PARD3B: variants seen among roughly 807,000 people sequenced by gnomAD.
PARD3B encodes par-3 family cell polarity regulator beta, also known as partitioning defective 3 homolog B.
A neutral mutation model predicts 130.2 loss-of-function variants in PARD3B; 103 were observed. The observed-to-expected ratio is 0.79, with a 90% CI of 0.67 to 0.93. The LOEUF is 0.93. PARD3B is among the 40% of genes least tolerant of loss of function. PARD3B has a pLI of 0.00. For missense variants in PARD3B, 1,609 were observed against 1,499.2 expected (o/e 1.07, Z -1.21); for synonymous variants, 583 against 553.2 (o/e 1.05, Z -0.76).
chr2:204,907,390 A>T lies in PARD3B; in HGVS notation c.223-57762A>T, dbSNP rs2047074765. Among the ~76,000 whole-genome samples, 3 of 152,324 alleles carry T rather than the reference A, an allele frequency of 2.0e-5. No individual in the cohort carries two copies. The South Asian group carries it at 6.2e-4, about 32-fold the overall frequency. ...AAGTTGTAAATTTTAGTACACCTTC[A>T]TTTACATTTCTATTTGAATGTAAAT... On this transcript the variant is annotated intron_variant, in intron 2 of 22. Coordinates refer to ENST00000406610, the MANE Select transcript of PARD3B (RefSeq NM_001302769.2). The surrounding 1 kb of genome is among the most constrained non-coding windows in gnomAD (Gnocchi z 5.7).
At chr2:205,472,121 G>C (rs540721768) in intron 20 of PARD3B, among the ~76,000 whole-genome samples, 28 of 152,180 alleles carry the variant, frequency 1.8e-4, no homozygotes, top group South Asian at 4.1e-4. Context: ...TTTTTGAAAA[G>C]TGTAAATAGT....
At chr2:205,519,830 CA>C (rs2050958728) in intron 21 of PARD3B, among the ~76,000 whole-genome samples, 2 of 152,140 alleles carry the variant, frequency 1.3e-5, no homozygotes, top group South Asian at 4.1e-4. Context: ...TCTCTGGTTT[CA>C]GAGGTGGGTA....
rs114951576 is a variant in PARD3B at position 205,003,985 on chromosome 2, G to T, written c.394+38662G>T. On this transcript the variant is annotated intron_variant, in intron 3 of 22. Transcript: ENST00000406610. ...AAAGAATTACAAAGTGGGGTCTGGGGCAGGGAGGCATGAAGACTTTTTCAT... is the reference window on the plus strand; with the variant it reads ...AAAGAATTACAAAGTGGGGTCTGGGTCAGGGAGGCATGAAGACTTTTTCAT... Among the ~76,000 whole-genome samples, 323 of 152,218 alleles carry T rather than the reference G, an allele frequency of 2.1e-3. 2 individuals carry two copies. Among genetic ancestry groups the T allele is most frequent in the African/African-American group, 7.1e-3 (293 of 41,528 alleles).
chr2:205,163,781 A>G (rs535267474), intron 11 of PARD3B, among the ~76,000 whole-genome samples: 1 of 152,276 alleles, frequency 6.6e-6, no homozygotes, highest in East Asian at 1.9e-4. Flanking sequence ...AAATCATGTG[A>G]TAGATCTATA....
At chr2:204,674,125 G>C (rs535171704) in intron 1 of PARD3B, among the ~76,000 whole-genome samples, 1 of 152,296 alleles carries the variant, frequency 6.6e-6, no homozygotes, top group African/African-American at 2.4e-5. Context: ...ATATGGAAGT[G>C]AGTAAGATAA....
chr2:205,488,604 G>T (rs117753639), intron 20 of PARD3B, among the ~76,000 whole-genome samples: 1 of 152,250 alleles, frequency 6.6e-6, no homozygotes, highest in Non-Finnish European at 1.5e-5. Flanking sequence ...CCTTGGTTGA[G>T]CATCAGCTGA....
intron 2 of PARD3B, among the ~76,000 whole-genome samples, chr2:204,811,986 A>G (rs2042978266): frequency 6.6e-6 from 1 of 152,148 alleles, no homozygotes; most frequent in African/African-American, 2.4e-5. Flanking sequence ...AATTAAAGTA[A>G]TGATCATGTC....
intron 1 of PARD3B, among the ~76,000 whole-genome samples, chr2:204,660,399 A>T (rs1391622468): frequency 1.3e-5 from 2 of 152,220 alleles, no homozygotes; most frequent in Non-Finnish European, 2.9e-5. Context: ...TAAACATTTA[A>T]AACAAATGAA....
chr2:205,270,579 A>AAAAG (rs368823508), intron 16 of PARD3B, among the ~76,000 whole-genome samples: 17 of 152,060 alleles, frequency 1.1e-4, no homozygotes, highest in East Asian at 1.9e-4. Context: ...AAAAAAAACA[A>AAAAG]AAAGAAAGAA....
intron 2 of PARD3B, among the ~76,000 whole-genome samples, chr2:204,955,683 T>C (rs1349676069): frequency 6.6e-6 from 1 of 152,218 alleles, no homozygotes; most frequent in East Asian, 1.9e-4. Context: ...TATCATAGGA[T>C]TTCTTATGAG....
At position 205,172,110 on chromosome 2, in the gene PARD3B, T is replaced by A. The variant is rs530622006; in HGVS notation, c.1621-101T>A. The A allele has an allele frequency of 7.2e-6, 9 of 1,246,960 alleles. No individual in the cohort carries two copies. In the African/African-American group the frequency reaches 1.2e-4, roughly 17 times the overall value. 77.2% of individuals were successfully genotyped at this position (1,246,960 alleles called of 1,614,324 possible). A position where few individuals can be genotyped will look rare whatever the true frequency, so the allele number is the denominator to read the frequency against. ...ACTTCTAACAGCTAGGTTTTCTTTT[T>A]TTCTTTTTTTCATTTTTAAACTTGA... On this transcript the variant is annotated intron_variant, in intron 11 of 22. Coordinates refer to ENST00000406610, the MANE Select transcript of PARD3B (RefSeq NM_001302769.2).
chr2:204,755,509 A>G (rs2040629878), intron 2 of PARD3B, among the ~76,000 whole-genome samples: 1 of 152,102 alleles, frequency 6.6e-6, no homozygotes, highest in Admixed American at 6.6e-5. Flanking sequence ...AATTATTGGC[A>G]AAACCTCTTT....
chr2:205,278,990 GA>G (rs1186537805), intron 16 of PARD3B, among the ~76,000 whole-genome samples: 1 of 132,686 alleles, frequency 7.5e-6, no homozygotes, highest in Non-Finnish European at 1.6e-5. Context: ...AGAATTGCTT[GA>G]ACCCAGGAGG....
rs2040953337 is a variant in PARD3B, at chr2:205,276,489, A to G, written c.2186-24041A>G. ...AATGCTTTCTGAAAGAATTTAAAAG[A>G]AGACAAAGGAGTTGCAGGGAGAAGC... On this transcript the variant is annotated intron_variant, in intron 16 of 22. Transcript: ENST00000406610. The surrounding 1 kb of genome is among the most constrained non-coding windows in gnomAD (Gnocchi z 5.0). Among the ~76,000 whole-genome samples, 1 of 152,210 alleles carries G rather than the reference A, an allele frequency of 6.6e-6. No homozygotes were observed. Among genetic ancestry groups the G allele is most frequent in the African/African-American group, 2.4e-5 (1 of 41,446 alleles).
At chr2:204,946,183 T>C (rs1296999078) in intron 2 of PARD3B, among the ~76,000 whole-genome samples, 1 of 152,222 alleles carries the variant, frequency 6.6e-6, no homozygotes. Context: ...TGTTCCTGAA[T>C]TGATAGGTTC....
intron 2 of PARD3B, among the ~76,000 whole-genome samples, chr2:204,936,308 A>C (rs764048915): frequency 2.6e-5 from 4 of 152,200 alleles, no homozygotes; most frequent in Non-Finnish European, 5.9e-5. Flanking sequence ...AGTAAGAAGG[A>C]TTCTTCAGTT....
intron 1 of PARD3B, among the ~76,000 whole-genome samples, chr2:204,666,125 T>TG (rs897232329): frequency 3.3e-5 from 5 of 152,074 alleles, no homozygotes; most frequent in African/African-American, 1.2e-4. Context: ...GGCTCTCAAG[T>TG]GGGGGAGTAA....
At chr2:204,748,625 A>G (rs1236109256) in intron 2 of PARD3B, among the ~76,000 whole-genome samples, 2 of 152,136 alleles carry the variant, frequency 1.3e-5, no homozygotes, top group Non-Finnish European at 1.5e-5. Flanking sequence ...GCTTATTAAA[A>G]CACAGATTGC....
chr2:205,164,836 C>CACACACAG (rs2034713584), intron 11 of PARD3B, among the ~76,000 whole-genome samples: 1 of 151,830 alleles, frequency 6.6e-6, no homozygotes, highest in African/African-American at 2.4e-5. Flanking sequence ...CACACACACA[C>CACACACAG]ACACACACAC....
Sources: gnomAD v4.1 joint callset for allele counts (sites outside exome capture counted in the v4.1 genomes callset) on GRCh38, gnomAD v4.1.1 for gene constraint, Gnocchi (gnomAD v3.1) non-coding constraint, MANE v1.5 for transcripts, NCBI Gene and HGNC (gene_info 2026-07-23, HGNC 2026-07-21) for gene names.